The following TRAP1 variants were observed in gnomAD, a reference collection of about 807,000 sequenced individuals.
TRAP1 encodes the protein TNF receptor associated protein 1, also known as heat shock protein 75 kDa, mitochondrial.
TRAP1 carries 102 observed loss-of-function variants against 89.1 expected under a neutral mutation model. That is an observed-to-expected ratio of 1.15 (90% CI 0.98 to 1.35). The LOEUF (loss-of-function observed/expected upper bound fraction) is 1.35. Ranked by LOEUF, TRAP1 falls within the 40% of genes most tolerant of loss-of-function variation. The probability of loss-of-function intolerance (pLI) is 0.00; values close to 1 mark genes in which losing one functional copy is unlikely to be tolerated. For missense variants in TRAP1, 1,256 were observed against 945.3 expected, an observed-to-expected ratio of 1.33 and a Z score of -4.31; for synonymous variants, 508 against 388.0, an observed-to-expected ratio of 1.31 and a Z score of -3.64.
rs1007081453 is a variant in TRAP1, at chr16:3,689,099, T to A, written c.286A>T (p.Lys96Ter). The change falls in exon 3 of 18, where the codon AAG becomes TAG. Residue 96 changes from lysine (K) to a stop codon, truncating the protein, a stop_gained. Transcript: ENST00000246957. LOFTEE classifies it high-confidence loss of function. ...SKHEFQAETK[K>*]LLDIVARSLY... is the part of the protein sequence containing the mutation. ...GACCGGGCAACAATGTCCAAAAGCT[T>A]CTTTGTCTCGGCCTGGAACTCATGT... 1 of 1,614,028 alleles carries A rather than the reference T, an allele frequency of 6.2e-7. No homozygotes were observed. Among genetic ancestry groups the A allele is most frequent in the East Asian group, 2.2e-5 (1 of 44,884 alleles).
At chr16:3,695,471 G>A (rs539314203) in intron 1 of TRAP1, among the ~76,000 whole-genome samples, 2 of 151,290 alleles carry the variant, frequency 1.3e-5, no homozygotes, top group South Asian at 2.1e-4. Context: ...AGGAGGTGGA[G>A]GTTGCAGTGA....
chr16:3,712,044 A>G (rs1488031481), intron 1 of TRAP1, among the ~76,000 whole-genome samples: 1 of 152,170 alleles, frequency 6.6e-6, no homozygotes, highest in Non-Finnish European at 1.5e-5. Flanking sequence ...TAATCCCAGC[A>G]CTTTGGGAGG....
Position 3,677,624 on chromosome 16 carries a change from G to C in TRAP1, c.578C>G (p.Ala193Gly). Reference protein sequence around the residue: ...FLDALQNQAEASSKIIGQFGV... With the variant: ...FLDALQNQAEGSSKIIGQFGV... ...AAACTGGCCGATGATCTTGCTGCTG[G>C]CCTCAGCCTGGTTCTGCAGAGCATC... Residue 193 changes from alanine (A) to glycine (G), a missense_variant, in exon 6 of 18, where the codon GCC becomes GGC. Coordinates refer to ENST00000246957, the MANE Select transcript of TRAP1 (RefSeq NM_016292.3). The C allele has an allele frequency of 3.1e-6, 5 of 1,614,044 alleles. No homozygotes were observed. The highest frequency in any genetic ancestry group is 4.2e-6 in the Non-Finnish European group (5 of 1,180,022).
At chr16:3,694,109 A>G (rs1266385100) in intron 1 of TRAP1, among the ~76,000 whole-genome samples, 2 of 151,710 alleles carry the variant, frequency 1.3e-5, no homozygotes. Flanking sequence ...AGTAGCCGGC[A>G]TCCTTGGTGT....
chr16:3,707,220 C>T (rs1253558839), intron 1 of TRAP1, among the ~76,000 whole-genome samples: 1 of 141,254 alleles, frequency 7.1e-6, no homozygotes, highest in Non-Finnish European at 1.5e-5. Context: ...GAGTCTCGCT[C>T]TGTCGCCCAG....
At chr16:3,667,321 G>T (rs1486380014) in intron 11 of TRAP1, among the ~76,000 whole-genome samples, 1 of 152,078 alleles carries the variant, frequency 6.6e-6, no homozygotes, top group Non-Finnish European at 1.5e-5. Flanking sequence ...GGTCAAATGG[G>T]TAACCGTGCT....
intron 1 of TRAP1, among the ~76,000 whole-genome samples, chr16:3,702,826 T>A (rs1042250634): frequency 6.6e-6 from 1 of 151,564 alleles, no homozygotes; most frequent in African/African-American, 2.4e-5. Context: ...GCGGATCACC[T>A]GAGGTTGGGA....
intron 11 of TRAP1, among the ~76,000 whole-genome samples, chr16:3,670,800 G>A (rs928060974): frequency 1.3e-5 from 2 of 152,150 alleles, no homozygotes; most frequent in Admixed American, 6.6e-5. Flanking sequence ...GATATCACCG[G>A]CAGGCCATGT....
At chr16:3,675,179 T>C in intron 8 of TRAP1, 145 bp downstream of exon 8, 1 of 727,848 alleles carries the variant, frequency 1.4e-6, no homozygotes, top group Non-Finnish European at 2.2e-6. Context: ...CCCTGTCTCA[T>C]CCCCACACCC....
At chr16:3,710,879 A>ATATTTTT (rs71133652) in intron 1 of TRAP1, among the ~76,000 whole-genome samples, 209 of 125,776 alleles carry the variant, frequency 1.7e-3, no homozygotes, top group African/African-American at 6.4e-3. Flanking sequence ...ATATATATAT[A>ATATTTTT]TTTTTTTTTT....
At chr16:3,672,988 CTG>C (rs887657870) in intron 9 of TRAP1, among the ~76,000 whole-genome samples, 168 bp from the exon 10 acceptor site, 2 of 152,162 alleles carry the variant, frequency 1.3e-5, no homozygotes, top group South Asian at 4.1e-4. Flanking sequence ...ATGCCCCACA[CTG>C]TGGCTCTGCA....
At chr16:3,709,036 C>A (rs1269933098) in intron 1 of TRAP1, among the ~76,000 whole-genome samples, 1 of 151,636 alleles carries the variant, frequency 6.6e-6, no homozygotes. Context: ...AGGATGGTCT[C>A]GATCTCCTGA....
rs768331869 is a variant in TRAP1, at chr16:3,690,864, G to T, written c.210C>A (p.Pro70=). ...STQTAEDKEE[P]LHSIISSTES... ...CTGTGCTGCTGATAATCGAGTGCAG[G>T]GGTTCCTCCTTGTCCTCGGCGGTCT... Residue 70 remains proline, a synonymous_variant, in exon 2 of 18, where the codon CCC becomes CCA. Transcript: ENST00000246957. The T allele has an allele frequency of 1.4e-5, 22 of 1,573,574 alleles. No individual in the cohort carries two copies. Among genetic ancestry groups the T allele is most frequent in the Non-Finnish European group, 1.8e-5 (21 of 1,159,754 alleles).
chr16:3,709,033 T>C (rs2051490051), intron 1 of TRAP1, among the ~76,000 whole-genome samples: 2 of 151,578 alleles, frequency 1.3e-5, no homozygotes, highest in Admixed American at 1.3e-4. Context: ...GCCAGGATGG[T>C]CTCGATCTCC....
chr16:3,662,546 T>G (rs2043144210), intron 15 of TRAP1: 1 of 551,642 alleles, frequency 1.8e-6, no homozygotes, highest in African/African-American at 1.9e-5. Flanking sequence ...AGCACCCAAG[T>G]GAGCATGTGA....
intron 1 of TRAP1, among the ~76,000 whole-genome samples, chr16:3,694,745 T>C (rs563656630): frequency 1.3e-5 from 2 of 152,254 alleles, no homozygotes; most frequent in East Asian, 3.9e-4. Flanking sequence ...CTTAAAGCAC[T>C]AGGATGACAG....
rs1031610850 is a variant in TRAP1, at chr16:3,664,374, A to G, written c.1469T>C (p.Met490Thr). Reference sequence around the variant, plus strand: ...GTAGATGTTGCGGGTGCCGGCCCGCATGCGGCTGGCGTATTCTGAGAGGCT... The same window carrying G: ...GTAGATGTTGCGGGTGCCGGCCCGCGTGCGGCTGGCGTATTCTGAGAGGCT... ...LTSLSEYASR[M>T]RAGTRNIYYL... Residue 490 changes from methionine (M) to threonine (T), a missense_variant, in exon 13 of 18, where the codon ATG (methionine) becomes ACG (threonine). Coordinates refer to ENST00000246957, the MANE Select transcript of TRAP1 (RefSeq NM_016292.3). The G allele has an allele frequency of 6.2e-7, 1 of 1,612,526 alleles. No homozygotes were observed. Among genetic ancestry groups the G allele is most frequent in the Non-Finnish European group, 8.5e-7 (1 of 1,179,478 alleles).
intron 1 of TRAP1, among the ~76,000 whole-genome samples, chr16:3,709,569 A>T (rs1252772465): frequency 6.6e-6 from 1 of 152,208 alleles, no homozygotes; most frequent in African/African-American, 2.4e-5. Context: ...GCGACAGGAA[A>T]CAAACCCCAG....
At chr16:3,685,539 T>C (rs1387561255) in intron 4 of TRAP1, among the ~76,000 whole-genome samples, 3 of 152,050 alleles carry the variant, frequency 2.0e-5, no homozygotes, top group Non-Finnish European at 4.4e-5. Context: ...TGTCTTTGGA[T>C]GCAATGTCTC....
Sources: allele counts gnomAD v4.1 joint callset (sites outside exome capture counted in the v4.1 genomes callset), GRCh38; gene constraint gnomAD v4.1.1; transcripts MANE v1.5; gene names NCBI Gene and HGNC (gene_info 2026-07-23, HGNC 2026-07-21).